Variants in CFAP100 observed in about 807,000 individuals in gnomAD.
CFAP100 encodes cilia and flagella associated protein 100, also known as cilia- and flagella-associated protein 100.
A neutral mutation model predicts 81.5 loss-of-function variants in CFAP100; 70 were observed. The ratio of observed to expected loss-of-function variants is 0.86; its 90% CI spans 0.71 to 1.05. The LOEUF is 1.05. CFAP100 is among the 50% of genes least tolerant of loss of function. CFAP100 has a pLI of 0.00. For missense variants in CFAP100, 811 were observed against 776.5 expected, an observed-to-expected ratio of 1.04 and a Z score of -0.53; for synonymous variants, 341 against 314.8, an observed-to-expected ratio of 1.08 and a Z score of -0.88.
At chr3:126,396,109 A>G in intron 2 of CFAP100, 60 bp downstream of exon 2, 1 of 1,312,924 alleles carries the variant, frequency 7.6e-7, no homozygotes, top group East Asian at 2.3e-5. Flanking sequence ...GAGCCTGTCC[A>G]GCTCCCTCAC....
intron 13 of CFAP100, chr3:126,432,841 A>T: frequency 2.4e-6 from 1 of 414,448 alleles, no homozygotes; most frequent in Non-Finnish European, 4.3e-6. Flanking sequence ...ATTATGCCTC[A>T]ATGAAGCTGT....
At position 126,423,634 on chromosome 3, in the gene CFAP100, C is replaced by T; in HGVS notation, c.1276C>T (p.Gln426Ter). 6.2e-7 allele frequency: 1 copy of T among 1,614,216 alleles called. No homozygotes were observed. The highest frequency in any genetic ancestry group is 1.3e-5 in the African/African-American group (1 of 75,064). ...GCTGAGCCACACCCTGAAACACACC[C>T]AGATCCGCATGTAGGTGCTATGCGG... Reference protein sequence around the residue: ...EELSHTLKHTQIRMDREVNQL... With the variant: ...EELSHTLKHT The change falls in exon 13 of 17, where the codon CAG becomes TAG. Residue 426 changes from glutamine to a stop codon, truncating the protein, a stop_gained. Coordinates refer to ENST00000352312, the MANE Select transcript of CFAP100 (RefSeq NM_182628.3). LOFTEE classifies it high-confidence loss of function.
chr3:126,430,436 T>A (rs575788035), intron 13 of CFAP100, among the ~76,000 whole-genome samples: 1 of 152,198 alleles, frequency 6.6e-6, no homozygotes, highest in Non-Finnish European at 1.5e-5. Context: ...TTTGATCTTA[T>A]AAATTATATG....
intron 2 of CFAP100, among the ~76,000 whole-genome samples, chr3:126,399,298 C>T (rs989419160): frequency 3.3e-5 from 5 of 152,220 alleles, no homozygotes; most frequent in African/African-American, 1.2e-4. Context: ...TCAGTCAAAA[C>T]CTGTTAGCCT....
intron 15 of CFAP100, among the ~76,000 whole-genome samples, chr3:126,434,951 G>A (rs1270011454): frequency 6.6e-6 from 1 of 152,122 alleles, no homozygotes; most frequent in Non-Finnish European, 1.5e-5. Flanking sequence ...CTATCTGTCG[G>A]GACACCAGCC....
intron 15 of CFAP100, 97 bp downstream of exon 15, chr3:126,434,478 C>A: frequency 2.6e-6 from 3 of 1,161,698 alleles, no homozygotes; most frequent in South Asian, 1.5e-5. Flanking sequence ...TCCCAGGAGA[C>A]AGGCCCCTCC....
chr3:126,397,191 T>C (rs1025858749), intron 2 of CFAP100, among the ~76,000 whole-genome samples: 3 of 152,246 alleles, frequency 2.0e-5, no homozygotes, highest in African/African-American at 7.2e-5. Flanking sequence ...TTATACTTTT[T>C]GTGCTTTTGA....
intron 14 of CFAP100, 121 bp downstream of exon 14, chr3:126,433,325 G>A: frequency 8.0e-7 from 1 of 1,242,366 alleles, no homozygotes; most frequent in Non-Finnish European, 1.1e-6. Context: ...GTGCCCTGCA[G>A]CTGCCCTTGC....
At chr3:126,395,884 G>A (rs1465678798) in intron 1 of CFAP100, 58 bp from the exon 2 acceptor site, 1 of 865,378 alleles carries the variant, frequency 1.2e-6, no homozygotes, top group Non-Finnish European at 1.9e-6. Context: ...AGCCACCCAG[G>A]GGGAAGGAAG....
intron 11 of CFAP100, among the ~76,000 whole-genome samples, chr3:126,422,522 C>T (rs1028490208): frequency 6.6e-6 from 1 of 152,174 alleles, no homozygotes; most frequent in Non-Finnish European, 1.5e-5. Flanking sequence ...ACCTGCAGAT[C>T]CTAGGTGAGG....
Position 126,433,095 on chromosome 3 carries a change from A to AGCTGGTT in CFAP100, c.1314_1315insCTGGTTG (p.Trp439LeufsTer20), listed in dbSNP as rs762142707. ...GACAGGGAGGTCAACCAGCTGAAGC[A>AGCTGGTT]GTGGGTCACCACAATGATGATGTCC... is the stretch of plus-strand genomic sequence containing the variant. On this transcript the variant is annotated frameshift_variant, in exon 14 of 17. Transcript: ENST00000352312. LOFTEE classifies it high-confidence loss of function. The AGCTGGTT allele has an allele frequency of 3.1e-6, 5 of 1,614,182 alleles. No homozygotes were observed. Among genetic ancestry groups the AGCTGGTT allele is most frequent in the Non-Finnish European group, 4.2e-6 (5 of 1,180,026 alleles).
At chr3:126,428,614 G>A (rs979438270) in intron 13 of CFAP100, among the ~76,000 whole-genome samples, 7 of 152,140 alleles carry the variant, frequency 4.6e-5, no homozygotes, top group African/African-American at 1.4e-4. Flanking sequence ...CATGTGTTAG[G>A]GTGAGGTGTG....
chr3:126,403,267 C>T (rs549087714), intron 2 of CFAP100, among the ~76,000 whole-genome samples: 5 of 151,818 alleles, frequency 3.3e-5, no homozygotes, highest in East Asian at 1.9e-4. Flanking sequence ...ACTGGTGAGG[C>T]GTCTAGGAGG....
intron 2 of CFAP100, among the ~76,000 whole-genome samples, chr3:126,406,618 C>T (rs1040744141): frequency 4.3e-4 from 66 of 152,342 alleles, no homozygotes; most frequent in African/African-American, 1.4e-3. Context: ...GAGCCCACCC[C>T]GGGCGGGAAG....
At chr3:126,415,538 G>A (rs2083222166) in intron 4 of CFAP100, among the ~76,000 whole-genome samples, 1 of 152,182 alleles carries the variant, frequency 6.6e-6, no homozygotes, top group Non-Finnish European at 1.5e-5. Flanking sequence ...CCTGACTGCA[G>A]TGATGGGGAC....
intron 13 of CFAP100, among the ~76,000 whole-genome samples, chr3:126,429,253 T>C (rs11707477): frequency 0.23 from 34,713 of 152,120 alleles, 4,179 homozygotes; most frequent in East Asian, 0.36. Context: ...CTATTTGTTA[T>C]TGATCTGTTA....
At chr3:126,397,054 T>A (rs1389282912) in intron 2 of CFAP100, among the ~76,000 whole-genome samples, 1 of 152,224 alleles carries the variant, frequency 6.6e-6, no homozygotes, top group South Asian at 2.1e-4. Context: ...CAGGCAAATG[T>A]GTGTAGATGA....
chr3:126,400,577 C>T (rs1037217430), intron 2 of CFAP100, among the ~76,000 whole-genome samples: 2 of 151,990 alleles, frequency 1.3e-5, no homozygotes, highest in Non-Finnish European at 2.9e-5. Flanking sequence ...CATGGTGAAA[C>T]CCTGTCTCTA....
At chr3:126,396,327 C>T (rs1415762555) in intron 2 of CFAP100, among the ~76,000 whole-genome samples, 2 of 152,194 alleles carry the variant, frequency 1.3e-5, no homozygotes, top group Non-Finnish European at 2.9e-5. Flanking sequence ...CCTCCAAGGG[C>T]TCTGAGCGAG....
Sources: allele counts gnomAD v4.1 joint callset (sites outside exome capture counted in the v4.1 genomes callset), GRCh38; gene constraint gnomAD v4.1.1; transcripts MANE v1.5; gene names NCBI Gene and HGNC (gene_info 2026-07-23, HGNC 2026-07-21).